The following TBC1D22A variants were observed in gnomAD, a reference collection of about 807,000 sequenced individuals.
The protein encoded by TBC1D22A is TBC1 domain family member 22A.
A neutral mutation model predicts 60.2 loss-of-function variants in TBC1D22A; 38 were observed. The observed-to-expected ratio is 0.63, with a 90% CI of 0.49 to 0.83. The LOEUF (loss-of-function observed/expected upper bound fraction) is 0.83, where lower values mean the gene tolerates loss of function less well. TBC1D22A is among the 40% of genes least tolerant of loss of function. The pLI, the probability that TBC1D22A is intolerant of heterozygous loss-of-function variation, is 0.00. For synonymous variants in TBC1D22A, 302 were observed against 281.7 expected, an observed-to-expected ratio of 1.07 and a Z score of -0.72; for missense variants, 628 against 701.0, an observed-to-expected ratio of 0.90 and a Z score of 1.18.
At chr22:46,820,271 C>T (rs562346054) in intron 4 of TBC1D22A, among the ~76,000 whole-genome samples, 1 of 152,064 alleles carries the variant, frequency 6.6e-6, no homozygotes, top group African/African-American at 2.4e-5. Flanking sequence ...TTGTCTTCTG[C>T]TAGCTTTTGG....
At chr22:46,968,559 GGGCGTCCTC>G (rs1569285793) in intron 8 of TBC1D22A, among the ~76,000 whole-genome samples, 9 of 143,170 alleles carry the variant, frequency 6.3e-5, no homozygotes, top group Non-Finnish European at 9.2e-5. Flanking sequence ...CTGAGTGGGA[GGGCGTCCTC>G]ACTGCGTGGC....
chr22:46,803,897 A>G (rs545261091), intron 4 of TBC1D22A, among the ~76,000 whole-genome samples: 2 of 152,160 alleles, frequency 1.3e-5, no homozygotes, highest in Non-Finnish European at 1.5e-5. Flanking sequence ...TCTGTCCTCA[A>G]GTCCCCTGCA....
intron 11 of TBC1D22A, among the ~76,000 whole-genome samples, chr22:47,091,544 G>T (rs796090288): frequency 1.6e-4 from 20 of 123,774 alleles, no homozygotes; most frequent in African/African-American, 3.7e-4. Context: ...TCGTCTTTGG[G>T]GGGGTGTGGC....
intron 10 of TBC1D22A, among the ~76,000 whole-genome samples, chr22:47,027,247 G>A (rs978949764): frequency 6.6e-6 from 1 of 152,224 alleles, no homozygotes; most frequent in African/African-American, 2.4e-5. Flanking sequence ...GAAGGAGTTT[G>A]AATTCATATT....
At chr22:46,817,510 G>A (rs1331238097) in intron 4 of TBC1D22A, among the ~76,000 whole-genome samples, 2 of 152,096 alleles carry the variant, frequency 1.3e-5, no homozygotes, top group Non-Finnish European at 2.9e-5. Flanking sequence ...GCTATGTTTG[G>A]TTTTCTGTTC....
chr22:47,127,232 T>C lies in TBC1D22A; in HGVS notation c.1425+15629T>C, dbSNP rs1359102986. Among the ~76,000 whole-genome samples the C allele has an allele frequency of 1.2e-4, 18 of 144,786 alleles. 1 individual carries two copies. Among genetic ancestry groups the C allele is most frequent in the East Asian group, 4.0e-4 (2 of 4,972 alleles). 95.0% of individuals were successfully genotyped at this position (144,786 alleles called of 152,430 possible). ...TTATCTTTTTTTTTCTTTTTCTCTT[T>C]TTTTTTTTTTTTTGAGACAGAGTCT... On this transcript the variant is annotated intron_variant, in intron 12 of 12. Transcript: ENST00000337137.
chr22:47,067,420 T>C (rs1482430954), intron 11 of TBC1D22A, among the ~76,000 whole-genome samples: 1 of 152,242 alleles, frequency 6.6e-6, no homozygotes, highest in African/African-American at 2.4e-5. Context: ...AAGGGGCGAC[T>C]GCTCAGGAGA....
At chr22:47,097,342 A>C (rs927943115) in intron 11 of TBC1D22A, among the ~76,000 whole-genome samples, 10 of 152,220 alleles carry the variant, frequency 6.6e-5, no homozygotes, top group African/African-American at 2.2e-4. Context: ...TGGGTTGGGC[A>C]CGGTGACTCA....
chr22:46,870,495 A>G (rs2147425030), intron 4 of TBC1D22A, among the ~76,000 whole-genome samples: 1 of 152,308 alleles, frequency 6.6e-6, no homozygotes, highest in Admixed American at 6.5e-5. Flanking sequence ...AGTTTTTTGT[A>G]CATTTTAGTT....
intron 10 of TBC1D22A, among the ~76,000 whole-genome samples, chr22:47,011,035 T>G (rs1421283564): frequency 2.0e-5 from 3 of 152,334 alleles, no homozygotes; most frequent in Non-Finnish European, 2.9e-5. Context: ...ATCATTGTGC[T>G]GACTTTTCAT....
At chr22:46,956,122 G>A (rs888606445) in intron 8 of TBC1D22A, among the ~76,000 whole-genome samples, 3 of 152,238 alleles carry the variant, frequency 2.0e-5, no homozygotes, top group Admixed American at 1.3e-4. Flanking sequence ...ATGTGTGTGT[G>A]TGTGTGAATG....
At chr22:46,792,618 A>T in intron 2 of TBC1D22A, 42 bp downstream of exon 2, 2 of 1,614,136 alleles carry the variant, frequency 1.2e-6, no homozygotes, top group Non-Finnish European at 1.7e-6. Flanking sequence ...CGGCTCTGAT[A>T]TGGGAGGGCT....
intron 12 of TBC1D22A, among the ~76,000 whole-genome samples, chr22:47,129,624 G>T (rs187325422): frequency 7.2e-5 from 11 of 152,376 alleles, no homozygotes; most frequent in Admixed American, 4.6e-4. Context: ...CCTAGAGGAA[G>T]GCTCAGCAGA....
intron 4 of TBC1D22A, among the ~76,000 whole-genome samples, chr22:46,844,103 G>A (rs913129298): frequency 6.6e-6 from 1 of 150,808 alleles, no homozygotes; most frequent in South Asian, 2.1e-4. Context: ...TCCTGTGGGT[G>A]TAAACATGTG....
chr22:46,778,076 A>G lies in TBC1D22A; in HGVS notation c.63-14444A>G, dbSNP rs528934139. On this transcript the variant is annotated intron_variant, in intron 1 of 12. Coordinates refer to ENST00000337137, the MANE Select transcript of TBC1D22A (RefSeq NM_014346.5). ...GGAGCAGGTATAGTACAAATACAGAATGAAAGATAAAATGGCATACTCGTG... is the reference window on the plus strand; with the variant it reads ...GGAGCAGGTATAGTACAAATACAGAGTGAAAGATAAAATGGCATACTCGTG... Among the ~76,000 whole-genome samples the G allele has an allele frequency of 4.6e-5, 7 of 152,316 alleles. No homozygotes were observed. The South Asian group carries it at 8.3e-4, about 18-fold the overall frequency.
chr22:46,793,989 C>A, intron 3 of TBC1D22A, 148 bp downstream of exon 3: 1 of 804,892 alleles, frequency 1.2e-6, no homozygotes, highest in Non-Finnish European at 1.9e-6. Flanking sequence ...GGTTCTCTTC[C>A]AAGGGTAGGG....
At position 47,175,153 on chromosome 22, in the gene TBC1D22A, C is replaced by T. The variant is rs888797332; in HGVS notation, c.*1527C>T. 1 of 152,300 alleles carries T rather than the reference C, an allele frequency of 6.6e-6. No homozygotes were observed. Among genetic ancestry groups the T allele is most frequent in the Non-Finnish European group, 1.5e-5 (1 of 68,070 alleles). 9.4% of individuals were successfully genotyped at this position (152,300 alleles called of 1,614,324 possible). A position where few individuals can be genotyped will look rare whatever the true frequency, so the allele number is the denominator to read the frequency against. On this transcript the variant is annotated 3_prime_UTR_variant, in exon 13 of 13. Transcript: ENST00000337137. Reference sequence around the variant, plus strand: ...TGCTTCTGTTTTAAAAATCCAGGGTCATTACACACAGCATGGAAATTAGCA... The same window carrying T: ...TGCTTCTGTTTTAAAAATCCAGGGTTATTACACACAGCATGGAAATTAGCA...
chr22:46,944,438 T>A (rs529762343), intron 8 of TBC1D22A, among the ~76,000 whole-genome samples: 1 of 152,200 alleles, frequency 6.6e-6, no homozygotes, highest in African/African-American at 2.4e-5. Context: ...TTGCTCCGTC[T>A]CCCAGGCTGG....
intron 11 of TBC1D22A, among the ~76,000 whole-genome samples, chr22:47,038,556 C>T (rs1469872672): frequency 1.3e-5 from 2 of 152,194 alleles, no homozygotes; most frequent in African/African-American, 4.8e-5. Flanking sequence ...GCCTGCTGGG[C>T]CTCCGTGCTC....
Sources: allele counts gnomAD v4.1 joint callset (sites outside exome capture counted in the v4.1 genomes callset), GRCh38; gene constraint gnomAD v4.1.1; transcripts MANE v1.5; gene names NCBI Gene and HGNC (gene_info 2026-07-23, HGNC 2026-07-21).